Variants in CENPC observed in about 807,000 individuals in gnomAD.
CENPC encodes the protein CENP-C 1.
A neutral mutation model predicts 112.1 loss-of-function variants in CENPC; 63 were observed. That is an observed-to-expected ratio of 0.56 (90% CI 0.46 to 0.69). The LOEUF is 0.69. Among genes scored for constraint, CENPC ranks in the 30% least tolerant of loss-of-function variants. The pLI, the probability that CENPC is intolerant of heterozygous loss-of-function variation, is 0.00. For synonymous variants in CENPC, 333 were observed against 367.6 expected (o/e 0.91, Z 1.08); for missense variants, 1,000 against 1,103.8 (o/e 0.91, Z 1.33).
chr4:67,522,528 A>C (rs1726256776), intron 5 of CENPC, among the ~76,000 whole-genome samples: 3 of 152,224 alleles, frequency 2.0e-5, no homozygotes, highest in African/African-American at 4.8e-5. Context: ...GAGAATAAGA[A>C]AGACAGGAAG....
At chr4:67,511,501 C>T (rs1385427064) in intron 9 of CENPC, among the ~76,000 whole-genome samples, 1 of 152,190 alleles carries the variant, frequency 6.6e-6, no homozygotes, top group African/African-American at 2.4e-5. Context: ...CAAAGCAGGT[C>T]TGAGTATACT....
At chr4:67,476,775 G>A (rs1463098913) in intron 17 of CENPC, among the ~76,000 whole-genome samples, 1 of 152,218 alleles carries the variant, frequency 6.6e-6, no homozygotes. Context: ...TTATAGCCTA[G>A]CGCAAAATGT....
chr4:67,510,899 G>A (rs373383955), intron 9 of CENPC: 1 of 426,430 alleles, frequency 2.3e-6, no homozygotes. Flanking sequence ...ATCTATTTCA[G>A]GACTCTTAAA....
At chr4:67,490,285 T>C (rs1725204643) in intron 16 of CENPC, among the ~76,000 whole-genome samples, 164 bp from the exon 17 acceptor site, 1 of 152,180 alleles carries the variant, frequency 6.6e-6, no homozygotes, top group South Asian at 2.1e-4. Flanking sequence ...GGTCAAATCC[T>C]GTCTCTGTCT....
intron 12 of CENPC, among the ~76,000 whole-genome samples, chr4:67,495,673 C>T (rs1725412559): frequency 6.6e-6 from 1 of 152,220 alleles, no homozygotes; most frequent in Non-Finnish European, 1.5e-5. Flanking sequence ...AAAAAAACAA[C>T]AGATTTTCTA....
At chr4:67,542,034 T>C (rs965212749) in intron 2 of CENPC, among the ~76,000 whole-genome samples, 4 of 152,242 alleles carry the variant, frequency 2.6e-5, no homozygotes, top group Non-Finnish European at 5.9e-5. Context: ...CATTGCTTTT[T>C]AGAGTCAAGT....
intron 16 of CENPC, among the ~76,000 whole-genome samples, chr4:67,491,480 T>TATATATATATAG (rs1725270093): frequency 5.5e-5 from 1 of 18,098 alleles, no homozygotes; most frequent in Non-Finnish European, 1.0e-4. Flanking sequence ...TATATATATA[T>TATATATATATAG]AGAGAGAGAG....
intron 17 of CENPC, among the ~76,000 whole-genome samples, chr4:67,476,890 G>A (rs1724820176): frequency 6.6e-6 from 1 of 152,188 alleles, no homozygotes; most frequent in Non-Finnish European, 1.5e-5. Flanking sequence ...AGGCCAGTCT[G>A]CCAGCTTCCC....
intron 4 of CENPC, among the ~76,000 whole-genome samples, chr4:67,531,699 A>G (rs150063756): frequency 1.3e-5 from 2 of 152,306 alleles, no homozygotes; most frequent in East Asian, 3.9e-4. Context: ...ACTGCATTTC[A>G]CTGCTGAAGG....
intron 17 of CENPC, among the ~76,000 whole-genome samples, chr4:67,488,632 A>AT (rs1311588960): frequency 6.6e-6 from 1 of 152,016 alleles, no homozygotes. Context: ...TTCCTTTTGT[A>AT]TAATAAAGGC....
intron 10 of CENPC, among the ~76,000 whole-genome samples, chr4:67,507,779 G>C (rs1348293417): frequency 1.3e-5 from 2 of 151,956 alleles, no homozygotes; most frequent in Admixed American, 6.6e-5. Context: ...ACTAAACAAA[G>C]ACAACAGAAG....
Position 67,514,186 on chromosome 4 carries a change from T to A in CENPC, c.1332A>T (p.Ile444=). 2.5e-6 allele frequency: 4 copies of A among 1,612,978 alleles called. No individual in the cohort carries two copies. Among genetic ancestry groups the A allele is most frequent in the Non-Finnish European group, 3.4e-6 (4 of 1,179,538 alleles). ...CGTCTTGGGTAATATGTGATGTATG[T>A]ATGTTTTCATCTTTAGACTGTCCCA... The part of the protein sequence containing the change: ...LDVGQSKDEN[I]HTSHITQDEF... The change falls in exon 8 of 19, where the codon ATA becomes ATT. Residue 444 remains isoleucine, a synonymous_variant. Transcript: ENST00000273853.
intron 12 of CENPC, among the ~76,000 whole-genome samples, chr4:67,502,362 C>T (rs564505772): frequency 5.8e-4 from 87 of 150,950 alleles, no homozygotes; most frequent in Middle Eastern, 3.4e-3. Flanking sequence ...GTTTCTTAGC[C>T]ACTTTTAATT....
At chr4:67,518,729 A>G (rs1325669955) in intron 6 of CENPC, among the ~76,000 whole-genome samples, 1 of 152,196 alleles carries the variant, frequency 6.6e-6, no homozygotes, top group Non-Finnish European at 1.5e-5. Flanking sequence ...TAATCATACA[A>G]TACTCTAAAT....
chr4:67,485,798 C>G (rs1470406761), intron 17 of CENPC, among the ~76,000 whole-genome samples: 1 of 152,074 alleles, frequency 6.6e-6, no homozygotes, highest in Non-Finnish European at 1.5e-5. Context: ...TGTATATGCC[C>G]ACTAATGAGA....
rs1479918934 is a variant in CENPC at position 67,506,890 on chromosome 4, T to C, written c.1949A>G (p.Gln650Arg). Residue 650 changes from glutamine to arginine, a missense_variant, in exon 11 of 19, where the codon CAG becomes CGG. Physicochemically the swap from Gln to Arg is conservative, Grantham distance 43 (BLOSUM62 1). Transcript: ENST00000273853. ...GGTCTGAGGCTTTAGGGGAACATTC[T>C]GTGCAGTCATAATGTTATCTTCATT... ...SKNEDNIMTAQNVPLKPQTSG... is the reference protein window; with the variant it reads ...SKNEDNIMTARNVPLKPQTSG... 2 of 1,612,346 alleles carry C rather than the reference T, an allele frequency of 1.2e-6. No individual in the cohort carries two copies. Among genetic ancestry groups the C allele is most frequent in the Non-Finnish European group, 8.5e-7 (1 of 1,178,866 alleles).
intron 4 of CENPC, among the ~76,000 whole-genome samples, chr4:67,532,812 G>A (rs1560442656): frequency 6.6e-6 from 1 of 152,006 alleles, no homozygotes; most frequent in Admixed American, 6.6e-5. Flanking sequence ...CGAGTTAACG[G>A]GTGCAGCACA....
intron 9 of CENPC, chr4:67,510,976 CATCT>C (rs1275249746): frequency 2.2e-6 from 1 of 455,008 alleles, no homozygotes; most frequent in Non-Finnish European, 4.4e-6. Flanking sequence ...TTTATTTACC[CATCT>C]GTTTATGTAT....
intron 9 of CENPC, among the ~76,000 whole-genome samples, chr4:67,510,307 C>G (rs1577990133): frequency 6.6e-6 from 1 of 152,160 alleles, no homozygotes. Flanking sequence ...CCTCCTTACT[C>G]CACTCAATCA....
Sources: allele counts gnomAD v4.1 joint callset (sites outside exome capture counted in the v4.1 genomes callset), GRCh38; gene constraint gnomAD v4.1.1; transcripts MANE v1.5; gene names NCBI Gene and HGNC (gene_info 2026-07-23, HGNC 2026-07-21).